Variants in BRINP3 observed in about 807,000 individuals in gnomAD.
The protein encoded by BRINP3 is BMP/retinoic acid-inducible neural-specific protein 3.
BRINP3 carries 19 observed loss-of-function variants against 71.0 expected under a neutral mutation model. That is an observed-to-expected ratio of 0.27 (90% CI 0.19 to 0.39). The LOEUF is 0.39. BRINP3 is among the 10% of genes least tolerant of loss of function. BRINP3 has a pLI of 1.00. For synonymous variants in BRINP3, 380 were observed against 337.7 expected, an observed-to-expected ratio of 1.13 and a Z score of -1.37; for missense variants, 959 against 940.8, an observed-to-expected ratio of 1.02 and a Z score of -0.25.
intron 6 of BRINP3, among the ~76,000 whole-genome samples, chr1:190,170,595 A>T (rs1385444881): frequency 6.6e-6 from 1 of 152,166 alleles, no homozygotes; most frequent in Non-Finnish European, 1.5e-5. Context: ...CATATGTTTT[A>T]CAATTCTAAG....
intron 6 of BRINP3, among the ~76,000 whole-genome samples, chr1:190,205,063 T>C (rs1284309595): frequency 6.6e-6 from 1 of 151,964 alleles, no homozygotes; most frequent in Non-Finnish European, 1.5e-5. Context: ...AGTATGCAGT[T>C]GATATGGTTC....
intron 7 of BRINP3, among the ~76,000 whole-genome samples, chr1:190,103,026 T>A (rs951632087): frequency 6.6e-5 from 10 of 152,066 alleles, no homozygotes; most frequent in African/African-American, 2.2e-4. Flanking sequence ...TATTTTCCAT[T>A]TATTTAAGAT....
At chr1:190,277,926 G>T (rs1160074611) in intron 3 of BRINP3, among the ~76,000 whole-genome samples, 1 of 151,604 alleles carries the variant, frequency 6.6e-6, no homozygotes, top group Non-Finnish European at 1.5e-5. Context: ...GCTATAAAAT[G>T]AAATAAATGG....
chr1:190,366,216 T>G (rs879530877), intron 2 of BRINP3, among the ~76,000 whole-genome samples: 4 of 152,128 alleles, frequency 2.6e-5, no homozygotes, highest in Non-Finnish European at 5.9e-5. Flanking sequence ...TGAATCACAG[T>G]TCTGCAGGGC....
At chr1:190,259,615 AAAATAAAT>A (rs144685496) in intron 4 of BRINP3, among the ~76,000 whole-genome samples, 5,940 of 140,080 alleles carry the variant, frequency 0.042, 154 homozygotes, top group Middle Eastern at 0.079. Context: ...AATTAGGCAA[AAAATAAAT>A]AAATAAATAA....
intron 1 of BRINP3, among the ~76,000 whole-genome samples, chr1:190,467,340 A>T (rs973567826): frequency 6.6e-6 from 1 of 151,614 alleles, no homozygotes; most frequent in African/African-American, 2.4e-5. Flanking sequence ...CACATAATTC[A>T]TCATACATCT....
At chr1:190,193,070 T>C (rs1654186917) in intron 6 of BRINP3, among the ~76,000 whole-genome samples, 1 of 152,120 alleles carries the variant, frequency 6.6e-6, no homozygotes. Flanking sequence ...CCAAATGTTC[T>C]TATTGTTAAT....
intron 2 of BRINP3, among the ~76,000 whole-genome samples, chr1:190,443,297 C>G (rs1365154805): frequency 6.7e-6 from 1 of 150,156 alleles, no homozygotes; most frequent in South Asian, 2.1e-4. Context: ...CCCAGTTACT[C>G]GGGAGGCTGA....
At position 190,169,743 on chromosome 1, in the gene BRINP3, G is replaced by T. The variant is rs114575921; in HGVS notation, c.962-8853C>A. On this transcript the variant is annotated intron_variant, in intron 6 of 7. Transcript: ENST00000367462. Reference sequence around the variant, plus strand: ...ACTTTATCAGGAATTCTGTGTTGATGAAATTATATAATTACTATGAAAACA... The same window carrying T: ...ACTTTATCAGGAATTCTGTGTTGATTAAATTATATAATTACTATGAAAACA... 4.8e-3 allele frequency among the ~76,000 whole-genome samples: 732 copies of T among 152,160 alleles called. 7 individuals are homozygous for T. Among genetic ancestry groups the T allele is most frequent in the Middle Eastern group, 0.037 (11 of 294 alleles).
intron 2 of BRINP3, among the ~76,000 whole-genome samples, chr1:190,311,729 A>C (rs954774207): frequency 6.6e-6 from 1 of 151,292 alleles, no homozygotes; most frequent in Admixed American, 6.6e-5. Context: ...AGATCTTCTA[A>C]ATTGTATAAG....
intron 2 of BRINP3, among the ~76,000 whole-genome samples, chr1:190,304,666 A>G (rs1664971338): frequency 2.0e-5 from 3 of 151,950 alleles, no homozygotes; most frequent in African/African-American, 7.2e-5. Flanking sequence ...ACTAGGAGAA[A>G]AAGCATAGGA....
intron 6 of BRINP3, among the ~76,000 whole-genome samples, chr1:190,204,460 G>A (rs1655313888): frequency 7.8e-6 from 1 of 128,004 alleles, no homozygotes; most frequent in African/African-American, 3.1e-5. Context: ...GGAAAAACTA[G>A]GATTCATTAT....
intron 2 of BRINP3, among the ~76,000 whole-genome samples, chr1:190,421,272 G>A (rs1047692733): frequency 1.4e-5 from 2 of 147,818 alleles, no homozygotes; most frequent in Non-Finnish European, 3.0e-5. Context: ...AATAGTGAAG[G>A]ACATTTGAAC....
intron 2 of BRINP3, among the ~76,000 whole-genome samples, chr1:190,343,872 A>C (rs1471801384): frequency 2.0e-5 from 3 of 151,724 alleles, no homozygotes; most frequent in Non-Finnish European, 3.0e-5. Context: ...TATAGTCATA[A>C]GCTTATTCCT....
At chr1:190,476,384 C>A (rs1376852715) in intron 1 of BRINP3, among the ~76,000 whole-genome samples, 1 of 151,948 alleles carries the variant, frequency 6.6e-6, no homozygotes, top group African/African-American at 2.4e-5. Flanking sequence ...TCAGAGAAAA[C>A]CCTCAGTGGG....
At chr1:190,145,153 C>T (rs1241144171) in intron 7 of BRINP3, among the ~76,000 whole-genome samples, 2 of 152,052 alleles carry the variant, frequency 1.3e-5, no homozygotes, top group African/African-American at 2.4e-5. Flanking sequence ...TATTTATATA[C>T]ATTATATATA....
At chr1:190,281,013 A>T (rs1662995729) in intron 3 of BRINP3, among the ~76,000 whole-genome samples, 1 of 151,870 alleles carries the variant, frequency 6.6e-6, no homozygotes, top group African/African-American at 2.4e-5. Flanking sequence ...AGCTTCCTTA[A>T]TTTTTACAAA....
At chr1:190,153,040 A>G (rs886152280) in intron 7 of BRINP3, among the ~76,000 whole-genome samples, 1 of 152,146 alleles carries the variant, frequency 6.6e-6, no homozygotes, top group Non-Finnish European at 1.5e-5. Context: ...GCTGAAATGT[A>G]AGCTATATCA....
intron 3 of BRINP3, among the ~76,000 whole-genome samples, chr1:190,268,469 A>G (rs959498967): frequency 3.3e-5 from 5 of 152,136 alleles, no homozygotes; most frequent in African/African-American, 4.8e-5. Flanking sequence ...ATGGGGAAAC[A>G]CAGGAGGCAT....
Sources: gnomAD v4.1 joint callset for allele counts (sites outside exome capture counted in the v4.1 genomes callset) on GRCh38, gnomAD v4.1.1 for gene constraint, MANE v1.5 for transcripts, NCBI Gene and HGNC (gene_info 2026-07-23, HGNC 2026-07-21) for gene names.